Variants in MARCHF10 observed in about 807,000 individuals in gnomAD.
The protein encoded by MARCHF10 is membrane associated ring-CH-type finger 10.
A neutral mutation model predicts 76.2 loss-of-function variants in MARCHF10; 64 were observed. That is an observed-to-expected ratio of 0.84 (90% CI 0.69 to 1.03). The LOEUF is 1.03. MARCHF10 is among the 50% of genes least tolerant of loss of function. The pLI is 0.00. For synonymous variants in MARCHF10, 340 were observed against 357.5 expected, an observed-to-expected ratio of 0.95 and a Z score of 0.55; for missense variants, 875 against 958.0, an observed-to-expected ratio of 0.91 and a Z score of 1.14.
intron 9 of MARCHF10, among the ~76,000 whole-genome samples, chr17:62,709,482 AT>A (rs1352417371): frequency 1.1e-4 from 17 of 152,166 alleles, no homozygotes; most frequent in African/African-American, 3.9e-4. Flanking sequence ...TCTCAAAAAA[AT>A]AAAACAAAAA....
At chr17:62,773,386 T>G (rs1171831814) in intron 3 of MARCHF10, among the ~76,000 whole-genome samples, 1 of 152,086 alleles carries the variant, frequency 6.6e-6, no homozygotes, top group Non-Finnish European at 1.5e-5. Context: ...TTCTGTGGAA[T>G]GATGAGCATG....
chr17:62,803,715 C>T (rs941591881), intron 1 of MARCHF10, among the ~76,000 whole-genome samples: 2 of 152,060 alleles, frequency 1.3e-5, no homozygotes, highest in African/African-American at 4.8e-5. Flanking sequence ...GAGGTTTCAC[C>T]ATATCGGCCA....
intron 3 of MARCHF10, among the ~76,000 whole-genome samples, chr17:62,780,049 A>T (rs2092627997): frequency 6.6e-6 from 1 of 151,862 alleles, no homozygotes; most frequent in African/African-American, 2.4e-5. Flanking sequence ...GTGAGCTGAG[A>T]TCTCACCGTT....
intron 8 of MARCHF10, among the ~76,000 whole-genome samples, chr17:62,717,019 G>A (rs1425783776): frequency 1.3e-5 from 2 of 152,234 alleles, no homozygotes; most frequent in South Asian, 2.1e-4. Flanking sequence ...CTCCTCAGCT[G>A]GGCTTGTCCC....
chr17:62,745,383 C>T (rs1391028626), intron 4 of MARCHF10, among the ~76,000 whole-genome samples: 1 of 152,148 alleles, frequency 6.6e-6, no homozygotes, highest in East Asian at 1.9e-4. Context: ...GGATTACAGG[C>T]ATGAGCCACT....
intron 5 of MARCHF10, among the ~76,000 whole-genome samples, chr17:62,743,212 C>T (rs2091578393): frequency 6.6e-6 from 1 of 152,132 alleles, no homozygotes; most frequent in African/African-American, 2.4e-5. Context: ...AAGCTCATGC[C>T]CTTCCCGGCA....
intron 2 of MARCHF10, among the ~76,000 whole-genome samples, chr17:62,789,040 G>A (rs961494493): frequency 3.6e-5 from 5 of 137,716 alleles, no homozygotes; most frequent in East Asian, 2.2e-4. Context: ...TCCGCAGTCC[G>A]GCCTGGGCGA....
chr17:62,783,131 G>C (rs976587679), intron 3 of MARCHF10, among the ~76,000 whole-genome samples: 2 of 151,192 alleles, frequency 1.3e-5, no homozygotes, highest in African/African-American at 4.9e-5. Flanking sequence ...GACACACTGA[G>C]GGACAGTGTC....
At chr17:62,750,644 A>C (rs1286262975) in intron 4 of MARCHF10, 2 of 152,460 alleles carry the variant, frequency 1.3e-5, no homozygotes, top group African/African-American at 4.8e-5. Context: ...CCAATGTCAT[A>C]GGAGCAGCAG....
chr17:62,702,693 AAAAG>A lies in MARCHF10; in HGVS notation c.2372-939_2372-936del, dbSNP rs142079337. ...AAAGAAAAATAAAAAAAGAAAAAAG[AAAAG>A]AAAGAAAGTTTCTGCCTGTTGTGGA... On this transcript the variant is annotated intron_variant, in intron 10 of 10. Transcript: ENST00000311269. Among the ~76,000 whole-genome samples, 1,199 of 152,226 alleles carry A rather than the reference AAAAG, an allele frequency of 7.9e-3. 13 individuals carry two copies. Among genetic ancestry groups the A allele is most frequent in the African/African-American group, 0.028 (1,155 of 41,528 alleles).
chr17:62,805,994 A>G (rs1449884129), intron 1 of MARCHF10, among the ~76,000 whole-genome samples: 1 of 152,100 alleles, frequency 6.6e-6, no homozygotes, highest in Non-Finnish European at 1.5e-5. Context: ...ACTCTCTATT[A>G]CATTGTATTT....
intron 3 of MARCHF10, among the ~76,000 whole-genome samples, chr17:62,786,030 G>T (rs2092739783): frequency 6.6e-6 from 1 of 152,090 alleles, no homozygotes; most frequent in African/African-American, 2.4e-5. Context: ...TCCCGTTACT[G>T]GGTATATACC....
chr17:62,793,557 C>A lies in MARCHF10; in HGVS notation c.91-4958G>T, dbSNP rs529003836. ...CCACCACCACCACCTCCACTGCCAC[C>A]ACCACCTCCACCACCACCACAACCA... On this transcript the variant is annotated intron_variant, in intron 2 of 10. Transcript: ENST00000311269. Among the ~76,000 whole-genome samples, 770 of 141,782 alleles carry A rather than the reference C, an allele frequency of 5.4e-3. 14 individuals are homozygous for A. Among genetic ancestry groups the A allele is most frequent in the African/African-American group, 0.02 (722 of 36,952 alleles). 93.0% of individuals were successfully genotyped at this position (141,782 alleles called of 152,430 possible).
rs758824281 is a variant in MARCHF10 at position 62,705,522 on chromosome 17, T to G, written c.2371+17A>C. On this transcript the variant is annotated intron_variant, in intron 10 of 10. Transcript: ENST00000311269. ...GCAAACACCCTCAAAATGGCAGGAC[T>G]GGCCCCCAAAACCTACTTTCATTTT... 1.2e-6 allele frequency: 2 copies of G among 1,614,084 alleles called. No individual in the cohort carries two copies. Among genetic ancestry groups the G allele is most frequent in the African/African-American group, 2.7e-5 (2 of 74,936 alleles).
intron 8 of MARCHF10, among the ~76,000 whole-genome samples, chr17:62,715,627 A>G (rs1270341498): frequency 1.3e-5 from 2 of 152,214 alleles, no homozygotes; most frequent in Non-Finnish European, 2.9e-5. Context: ...GCACTACCGA[A>G]AGAGTCAGGA....
intron 6 of MARCHF10, chr17:62,735,420 AC>A (rs2091216897): frequency 6.5e-6 from 1 of 152,708 alleles, no homozygotes; most frequent in Non-Finnish European, 1.5e-5. Context: ...AGCAGTGGTT[AC>A]CCCAGCGTGG....
intron 6 of MARCHF10, among the ~76,000 whole-genome samples, chr17:62,733,824 G>C (rs763789990): frequency 6.6e-6 from 1 of 152,222 alleles, no homozygotes; most frequent in Non-Finnish European, 1.5e-5. Flanking sequence ...AGTCACAGAA[G>C]ACTAGAGATT....
At chr17:62,748,350 T>C (rs1344117225) in intron 4 of MARCHF10, among the ~76,000 whole-genome samples, 1 of 150,930 alleles carries the variant, frequency 6.6e-6, no homozygotes, top group African/African-American at 2.4e-5. Flanking sequence ...TGAGCCGAGA[T>C]CACACCACTG....
chr17:62,760,641 A>G (rs2092175062), intron 3 of MARCHF10, among the ~76,000 whole-genome samples: 1 of 152,248 alleles, frequency 6.6e-6, no homozygotes. Flanking sequence ...AAAATTATCC[A>G]GGCATGGAAC....
Sources: allele counts gnomAD v4.1 joint callset (sites outside exome capture counted in the v4.1 genomes callset), GRCh38; gene constraint gnomAD v4.1.1; transcripts MANE v1.5; gene names NCBI Gene and HGNC (gene_info 2026-07-23, HGNC 2026-07-21).